The following KANSL1 variants were observed in gnomAD, a reference collection of about 807,000 sequenced individuals.
KANSL1 encodes the protein KAT8 regulatory NSL complex subunit 1, also known as MLL1/MLL complex subunit KANSL1.
Under a neutral mutation model 103.6 loss-of-function variants are expected in KANSL1, and 22 were observed. The ratio of observed to expected loss-of-function variants is 0.21; its 90% CI spans 0.15 to 0.30. KANSL1 has a LOEUF of 0.30. KANSL1 is among the 10% of genes least tolerant of loss of function. The pLI, the probability that KANSL1 is intolerant of heterozygous loss-of-function variation, is 1.00. For synonymous variants in KANSL1, 600 were observed against 527.6 expected (o/e 1.14, Z -1.88); for missense variants, 1,337 against 1,399.8 (o/e 0.96, Z 0.72).
intron 4 of KANSL1, among the ~76,000 whole-genome samples, chr17:46,071,085 G>A (rs1400720128): frequency 1.3e-5 from 2 of 152,164 alleles, no homozygotes; most frequent in Non-Finnish European, 2.9e-5. Flanking sequence ...GTCTGCAGGT[G>A]TATATATTTA....
chr17:46,096,349 C>T (rs770471275), intron 2 of KANSL1, among the ~76,000 whole-genome samples: 4 of 76,170 alleles, frequency 5.3e-5, no homozygotes, highest in African/African-American at 1.3e-4. Flanking sequence ...GAGTTTCTTT[C>T]ACTCTGGTTG....
At chr17:46,188,535 T>C (rs1244418608) in intron 1 of KANSL1, among the ~76,000 whole-genome samples, 1 of 152,236 alleles carries the variant, frequency 6.6e-6, no homozygotes, top group Admixed American at 6.5e-5. Context: ...CAAGTGTTCT[T>C]TGCACTGACA....
chr17:46,213,426 G>A (rs1001721000), intron 1 of KANSL1, among the ~76,000 whole-genome samples: 6 of 151,484 alleles, frequency 4.0e-5, no homozygotes, highest in East Asian at 3.9e-4. Context: ...ACAGCCTCCC[G>A]AGTAGCTGGG....
chr17:46,184,770 G>C (rs965580350), intron 1 of KANSL1, among the ~76,000 whole-genome samples: 4 of 151,880 alleles, frequency 2.6e-5, no homozygotes, highest in African/African-American at 7.3e-5. Flanking sequence ...ATGACACCCT[G>C]GCTATTGCTC....
chr17:46,058,737 ACACACACTCT>A (rs2078026887), intron 6 of KANSL1, among the ~76,000 whole-genome samples: 10 of 72,332 alleles, frequency 1.4e-4, no homozygotes, highest in African/African-American at 3.7e-4. Flanking sequence ...ACACACACAC[ACACACACTCT>A]CTCTCTCTCT....
intron 2 of KANSL1, among the ~76,000 whole-genome samples, chr17:46,151,835 T>C (rs2045125155): frequency 6.6e-6 from 1 of 152,270 alleles, no homozygotes; most frequent in African/African-American, 2.4e-5. Flanking sequence ...TTAATACCCA[T>C]GTTTCTGGAA....
intron 6 of KANSL1, among the ~76,000 whole-genome samples, chr17:46,052,488 T>G (rs1213430870): frequency 1.3e-5 from 2 of 151,638 alleles, no homozygotes; most frequent in Non-Finnish European, 2.9e-5. Context: ...GCCTGTAATC[T>G]CAGCTACTCG....
At chr17:46,196,451 G>T, upstream of KANSL1, 1 of 455,598 alleles carries the variant, frequency 2.2e-6, no homozygotes, top group South Asian at 1.6e-5. Flanking sequence ...TCCTAAAAAT[G>T]ATGGAGGAAA....
At chr17:46,038,437 C>T in intron 10 of KANSL1, 101 bp downstream of exon 10, 1 of 1,277,164 alleles carries the variant, frequency 7.8e-7, no homozygotes, top group Non-Finnish European at 1.1e-6. Context: ...CCTATAAATG[C>T]CCTGGGCTTT....
chr17:46,032,754 C>G (rs1223710558), intron 13 of KANSL1, among the ~76,000 whole-genome samples: 1 of 152,162 alleles, frequency 6.6e-6, no homozygotes, highest in Admixed American at 6.5e-5. Context: ...GGAAGGTTAA[C>G]TTGTAGCGAG....
chr17:46,181,701 G>C lies in KANSL1; in HGVS notation c.-89-9469C>G, dbSNP rs186486734. 5.3e-5 allele frequency among the ~76,000 whole-genome samples: 8 copies of C among 152,296 alleles called. No homozygotes were observed. In the East Asian group the frequency reaches 1.5e-3, roughly 29 times the overall value. The stretch of plus-strand genomic sequence containing the variant: ...CCCGCCTCGGCCTCCCAAAGTGCTG[G>C]AATTACAGGCATGAGCCACCACACC... On this transcript the variant is annotated intron_variant, in intron 1 of 14. Transcript: ENST00000432791.
At chr17:46,062,124 A>AAC (rs1258986437) in intron 6 of KANSL1, among the ~76,000 whole-genome samples, 2 of 134,688 alleles carry the variant, frequency 1.5e-5, no homozygotes, top group African/African-American at 5.4e-5. Context: ...CAAACAAAAA[A>AAC]AAAAAAAAAA....
intron 2 of KANSL1, among the ~76,000 whole-genome samples, chr17:46,102,318 C>CA (rs1445318910): frequency 6.6e-6 from 1 of 152,150 alleles, no homozygotes; most frequent in African/African-American, 2.4e-5. Flanking sequence ...GGCACGATCT[C>CA]AGCTCACTGC....
rs1430553550 is a variant in KANSL1, at chr17:46,064,347, A to G, written c.1848+2190T>C. On this transcript the variant is annotated intron_variant, in intron 6 of 14. Coordinates refer to ENST00000432791, the MANE Select transcript of KANSL1 (RefSeq NM_015443.4). Reference sequence around the variant, plus strand: ...AATTCTCTCATCTCCCTTATTTGTCATTAGCAAATATGTTGCTAGTGGCTC... The same window carrying G: ...AATTCTCTCATCTCCCTTATTTGTCGTTAGCAAATATGTTGCTAGTGGCTC... Among the ~76,000 whole-genome samples the G allele has an allele frequency of 6.6e-5, 10 of 152,216 alleles. 1 individual carries two copies. The highest frequency in any genetic ancestry group is 6.5e-4 in the Admixed American group (10 of 15,284).
At chr17:46,141,173 T>C (rs1597781561) in intron 2 of KANSL1, among the ~76,000 whole-genome samples, 2 of 152,230 alleles carry the variant, frequency 1.3e-5, no homozygotes, top group South Asian at 4.1e-4. Flanking sequence ...AAATTGAAAA[T>C]TGTTTATCTG....
chr17:46,151,702 G>A (rs1030330553), intron 2 of KANSL1, among the ~76,000 whole-genome samples: 10 of 152,238 alleles, frequency 6.6e-5, no homozygotes, highest in Admixed American at 3.9e-4. Flanking sequence ...ACATTTGTGA[G>A]TGACGAGGAA....
intron 2 of KANSL1, among the ~76,000 whole-genome samples, chr17:46,096,152 T>TTA (rs2042053684): frequency 7.1e-6 from 1 of 141,494 alleles, no homozygotes; most frequent in Non-Finnish European, 1.6e-5. Context: ...TTTTTTTTTT[T>TTA]CCTGAGAGGC....
intron 1 of KANSL1, among the ~76,000 whole-genome samples, chr17:46,187,790 T>C (rs1053875187): frequency 6.6e-6 from 1 of 152,256 alleles, no homozygotes; most frequent in Admixed American, 6.5e-5. Flanking sequence ...AGGGACTCTT[T>C]GCATAAAGGT....
intron 1 of KANSL1, among the ~76,000 whole-genome samples, chr17:46,214,794 TATGCACACTCAC>T (rs2148038980): frequency 1.3e-5 from 2 of 152,376 alleles, no homozygotes; most frequent in African/African-American, 4.8e-5. Context: ...TAGGTCTGCA[TATGCACACTCAC>T]ATGCACACAC....
Sources: gnomAD v4.1 joint callset for allele counts (sites outside exome capture counted in the v4.1 genomes callset) on GRCh38, gnomAD v4.1.1 for gene constraint, MANE v1.5 for transcripts, NCBI Gene and HGNC (gene_info 2026-07-23, HGNC 2026-07-21) for gene names.